The following ZNF385D variants were observed in gnomAD, a reference collection of about 807,000 sequenced individuals.
ZNF385D encodes the protein zinc finger protein 659.
A neutral mutation model predicts 35.8 loss-of-function variants in ZNF385D; 15 were observed. That is an observed-to-expected ratio of 0.42 (90% CI 0.28 to 0.64). The LOEUF (loss-of-function observed/expected upper bound fraction) is 0.64. ZNF385D is among the 30% of genes least tolerant of loss of function. The pLI is 0.23. For missense variants in ZNF385D, 474 were observed against 494.6 expected, an observed-to-expected ratio of 0.96 and a Z score of 0.39; for synonymous variants, 212 against 186.8, an observed-to-expected ratio of 1.13 and a Z score of -1.10.
At chr3:21,952,925 A>G (rs926190583) in intron 3 of ZNF385D, among the ~76,000 whole-genome samples, 1 of 152,014 alleles carries the variant, frequency 6.6e-6, no homozygotes, top group Non-Finnish European at 1.5e-5. Flanking sequence ...CTATAAACTC[A>G]TTTCTCAGAC....
chr3:21,640,291 A>G (rs1425459262), intron 2 of ZNF385D, among the ~76,000 whole-genome samples: 1 of 152,014 alleles, frequency 6.6e-6, no homozygotes, highest in East Asian at 1.9e-4. Context: ...GAGCCATGAT[A>G]GTGACTAAAG....
At chr3:21,932,722 A>G (rs1238741917) in intron 3 of ZNF385D, among the ~76,000 whole-genome samples, 1 of 152,072 alleles carries the variant, frequency 6.6e-6, no homozygotes, top group East Asian at 1.9e-4. Context: ...TTTCTCAAGC[A>G]GAATAGGTGA....
At position 22,003,593 on chromosome 3, in the gene ZNF385D, A is replaced by G. The variant is rs186462827; in HGVS notation, c.325+165224T>C. ...AAAAATACCTAAAATTTGGCCAGGT[A>G]CAGTAGCTCACCCCTGTAATGTCAG... On this transcript the variant is annotated intron_variant, in intron 3 of 5. Coordinates refer to the ZNF385D transcript ENST00000494108. Among the ~76,000 whole-genome samples, 3 of 152,302 alleles carry G rather than the reference A, an allele frequency of 2.0e-5. No homozygotes were observed. The East Asian group carries it at 5.8e-4, about 29-fold the overall frequency.
chr3:21,827,929 A>T (rs1350834520), intron 3 of ZNF385D, among the ~76,000 whole-genome samples: 2 of 152,222 alleles, frequency 1.3e-5, no homozygotes, highest in African/African-American at 4.8e-5. Flanking sequence ...TATTGTGAGC[A>T]ATTAATCTTC....
At chr3:21,789,130 T>C (rs1435328339) in intron 3 of ZNF385D, among the ~76,000 whole-genome samples, 2 of 152,198 alleles carry the variant, frequency 1.3e-5, no homozygotes, top group African/African-American at 4.8e-5. Context: ...TGTAGGCCAT[T>C]ACTTGGTTCC....
intron 3 of ZNF385D, among the ~76,000 whole-genome samples, chr3:22,141,468 G>A (rs1017172577): frequency 2.0e-5 from 3 of 152,258 alleles, no homozygotes; most frequent in African/African-American, 7.2e-5. Context: ...GAAAGACAAA[G>A]AAGGAATCCT....
At chr3:21,998,758 A>G (rs1695647087) in intron 3 of ZNF385D, among the ~76,000 whole-genome samples, 1 of 152,234 alleles carries the variant, frequency 6.6e-6, no homozygotes, top group Admixed American at 6.5e-5. Context: ...TTGTATTTCA[A>G]TACTTCAGTT....
At chr3:21,948,817 A>C (rs143415008) in intron 3 of ZNF385D, among the ~76,000 whole-genome samples, 3 of 152,260 alleles carry the variant, frequency 2.0e-5, no homozygotes, top group African/African-American at 4.8e-5. Flanking sequence ...ATTGAAAAAT[A>C]ATTTTTGCTA....
chr3:21,949,554 CT>C (rs372298558), intron 3 of ZNF385D, among the ~76,000 whole-genome samples: 8,035 of 112,798 alleles, frequency 0.071, 265 homozygotes, highest in Middle Eastern at 0.097. Flanking sequence ...TTCTTTCTTT[CT>C]TTTTTTTTTT....
intron 3 of ZNF385D, among the ~76,000 whole-genome samples, chr3:21,809,762 G>C (rs1490054863): frequency 6.7e-6 from 1 of 150,316 alleles, no homozygotes; most frequent in Admixed American, 6.6e-5. Flanking sequence ...AAAAATACTA[G>C]GTACATTAAA....
chr3:22,086,515 G>C (rs910190001), intron 3 of ZNF385D, among the ~76,000 whole-genome samples: 40 of 152,260 alleles, frequency 2.6e-4, no homozygotes, highest in Non-Finnish European at 5.3e-4. Context: ...CCTCTTCAAG[G>C]AGAACTACAA....
intron 2 of ZNF385D, among the ~76,000 whole-genome samples, chr3:22,316,745 A>G (rs1199836301): frequency 3.3e-5 from 5 of 152,212 alleles, no homozygotes; most frequent in African/African-American, 1.2e-4. Flanking sequence ...TTTTGTCTAC[A>G]CAGCTACCAA....
intron 2 of ZNF385D, among the ~76,000 whole-genome samples, chr3:22,175,383 T>C (rs6785603): frequency 2.0e-5 from 3 of 151,632 alleles, no homozygotes; most frequent in East Asian, 1.9e-4. Flanking sequence ...ACTTGGAATA[T>C]AATTTCCAGA....
At chr3:22,200,387 G>A (rs184392483) in intron 2 of ZNF385D, among the ~76,000 whole-genome samples, 16 of 152,120 alleles carry the variant, frequency 1.1e-4, no homozygotes, top group East Asian at 1.9e-4. Context: ...CCCACAAGCC[G>A]TAAAACCAGC....
At chr3:22,188,090 A>T (rs894632265) in intron 2 of ZNF385D, among the ~76,000 whole-genome samples, 2 of 152,200 alleles carry the variant, frequency 1.3e-5, no homozygotes, top group Non-Finnish European at 2.9e-5. Context: ...ATCACGGAGG[A>T]AAGATGGGAA....
At chr3:21,593,711 CTTT>C (rs202216534) in intron 2 of ZNF385D, among the ~76,000 whole-genome samples, 3 of 151,480 alleles carry the variant, frequency 2.0e-5, no homozygotes, top group South Asian at 2.1e-4. Flanking sequence ...ATATTATAGA[CTTT>C]TTTTAAAAAT....
intron 3 of ZNF385D, among the ~76,000 whole-genome samples, chr3:22,034,359 C>G (rs752056418): frequency 6.6e-6 from 1 of 152,086 alleles, no homozygotes; most frequent in Non-Finnish European, 1.5e-5. Context: ...CCTGACCATG[C>G]CAGCACCCTG....
intron 3 of ZNF385D, among the ~76,000 whole-genome samples, chr3:22,091,535 T>TA (rs1375821613): frequency 3.9e-5 from 6 of 152,140 alleles, no homozygotes. Context: ...ACTGTGTTCC[T>TA]AGGAATGAAA....
intron 2 of ZNF385D, among the ~76,000 whole-genome samples, chr3:22,211,463 G>C (rs370617029): frequency 6.6e-6 from 1 of 151,882 alleles, no homozygotes; most frequent in East Asian, 1.9e-4. Flanking sequence ...TAGCTGGTCC[G>C]AATAGAGACA....
Sources: allele counts gnomAD v4.1 joint callset (sites outside exome capture counted in the v4.1 genomes callset), GRCh38; gene constraint gnomAD v4.1.1; transcripts MANE v1.5; gene names NCBI Gene and HGNC (gene_info 2026-07-23, HGNC 2026-07-21).